Variants in DHX29 observed in about 807,000 individuals in gnomAD.
DHX29 encodes the protein ATP-dependent RNA helicase DHX29.
In DHX29, 79 loss-of-function variants were observed where a neutral mutation model predicts 167.9. The observed-to-expected ratio is 0.47, with a 90% CI of 0.39 to 0.57. The LOEUF (loss-of-function observed/expected upper bound fraction) is 0.57. DHX29 is among the 20% of genes least tolerant of loss of function. The pLI, the probability that DHX29 is intolerant of heterozygous loss-of-function variation, is 0.00. For missense variants in DHX29, 1,347 were observed against 1,593.4 expected (o/e 0.85, Z 2.63); for synonymous variants, 530 against 546.0 (o/e 0.97, Z 0.41).
At chr5:55,292,737 C>T (rs1748114478) in intron 6 of DHX29, among the ~76,000 whole-genome samples, 2 of 152,140 alleles carry the variant, frequency 1.3e-5, no homozygotes, top group African/African-American at 4.8e-5. Context: ...TACTGAAAGA[C>T]TCCTTGTACA....
intron 1 of DHX29, among the ~76,000 whole-genome samples, chr5:55,300,430 T>G (rs1319474302): frequency 1.3e-5 from 2 of 152,144 alleles, no homozygotes; most frequent in Non-Finnish European, 2.9e-5. Flanking sequence ...TCCCAGCACT[T>G]GGGACGCGGA....
At position 55,267,816 on chromosome 5, in the gene DHX29, G is replaced by C; in HGVS notation, c.3301C>G (p.Leu1101Val). The change falls in exon 22 of 27, where the codon CTA becomes GTA. Residue 1101 changes from leucine to valine, a missense_variant. By Grantham distance (32) the Leu-to-Val change is conservative. Coordinates refer to ENST00000251636, the MANE Select transcript of DHX29 (RefSeq NM_019030.4). ...GACTTCTCTGTCATAACTGCAGCTA[G>C]TGTTGCCTATCCATAAATCATAAAT... ...IFGCLDPVAT[L>V]AAVMTEKSPF... 1 of 1,593,346 alleles carries C rather than the reference G, an allele frequency of 6.3e-7. No individual in the cohort carries two copies. The highest frequency in any genetic ancestry group is 8.6e-7 in the Non-Finnish European group (1 of 1,168,964).
chr5:55,271,944 T>C (rs1383157025), intron 18 of DHX29, 143 bp downstream of exon 18: 4 of 477,456 alleles, frequency 8.4e-6, no homozygotes, highest in South Asian at 4.8e-5. Flanking sequence ...AAGTTTCCTA[T>C]AGTTTCTCTA....
At chr5:55,277,352 C>CA in intron 12 of DHX29, 70 bp from the exon 13 acceptor site, 1 of 992,818 alleles carries the variant, frequency 1.0e-6, no homozygotes, top group Non-Finnish European at 1.5e-6. Flanking sequence ...CTTGAACAAT[C>CA]AGACACCCAG....
At chr5:55,265,670 T>TAAA (rs11362570) in intron 23 of DHX29, among the ~76,000 whole-genome samples, 5 of 143,506 alleles carry the variant, frequency 3.5e-5, no homozygotes, top group African/African-American at 1.0e-4. Flanking sequence ...GAACTAGCTG[T>TAAA]AAAAAAAAAA....
rs539032528 is a variant in DHX29, at chr5:55,267,708, T to C, written c.3409A>G (p.Thr1137Ala). 3.1e-6 allele frequency: 5 copies of C among 1,600,832 alleles called. No homozygotes were observed. The highest frequency in any genetic ancestry group is 1.1e-5 in the South Asian group (1 of 89,238). Residue 1137 changes from threonine (T) to alanine (A), a missense_variant, in exon 22 of 27, where the codon ACG becomes GCG. Thr to Ala is a moderately conservative substitution (Grantham distance 58). Coordinates refer to ENST00000251636, the MANE Select transcript of DHX29 (RefSeq NM_019030.4). The stretch of plus-strand genomic sequence containing the variant: ...TACCCTAGATATGCATTGTAGATCG[T>C]CAGGTGGTCTGAATCCGCCATGGCC... ...ALAMADSDHLTIYNAYLGWKK... is the reference protein window; with the variant it reads ...ALAMADSDHLAIYNAYLGWKK...
chr5:55,286,811 G>C (rs1352579981), intron 8 of DHX29, among the ~76,000 whole-genome samples: 1 of 152,200 alleles, frequency 6.6e-6, no homozygotes, highest in Non-Finnish European at 1.5e-5. Flanking sequence ...TACAGATATA[G>C]AACATTTCCA....
Position 55,283,812 on chromosome 5 carries a change from C to A in DHX29, c.1357-1G>T, listed in dbSNP as rs1306849800. 1 of 1,569,564 alleles carries A rather than the reference C, an allele frequency of 6.4e-7. No individual in the cohort carries two copies. The highest frequency in any genetic ancestry group is 2.0e-5 in the Admixed American group (1 of 50,128). On this transcript the variant is annotated splice_acceptor_variant, in intron 10 of 26. Coordinates refer to ENST00000251636, the MANE Select transcript of DHX29 (RefSeq NM_019030.4). LOFTEE classifies it high-confidence loss of function. ...TGGGAGGAAGTAACTGATGAACTGA[C>A]TAAAGGAAAAACAGAGGTATGTTAT...
At position 55,285,779 on chromosome 5, in the gene DHX29, CAG is replaced by C; in HGVS notation, c.1147_1148del (p.Leu383AspfsTer2). 1 of 1,605,080 alleles carries C rather than the reference CAG, an allele frequency of 6.2e-7. No individual in the cohort carries two copies. Among genetic ancestry groups the C allele is most frequent in the Non-Finnish European group, 8.5e-7 (1 of 1,173,618 alleles). On this transcript the variant is annotated frameshift_variant, in exon 9 of 27. Transcript: ENST00000251636. LOFTEE classifies it high-confidence loss of function. The part of the protein sequence containing the change: ...SWTGKSPKQF[L>X]IDWVRKNLPK... ...GAAGATTCTTCCTGACCCAATCAAT[CAG>C]AAATTGTTTGGGAGATTTTCCAGTC...
intron 8 of DHX29, among the ~76,000 whole-genome samples, chr5:55,287,306 A>T (rs1161346420): frequency 6.6e-6 from 1 of 151,982 alleles, no homozygotes; most frequent in African/African-American, 2.4e-5. Flanking sequence ...CCGGGCATGC[A>T]GGCATGCACC....
chr5:55,296,709 A>T (rs568810000), intron 3 of DHX29, among the ~76,000 whole-genome samples: 18 of 152,322 alleles, frequency 1.2e-4, no homozygotes, highest in African/African-American at 4.3e-4. Context: ...ATAGTTACAT[A>T]ATATTCCACT....
chr5:55,300,430 T>C (rs1319474302), intron 1 of DHX29, among the ~76,000 whole-genome samples: 3 of 152,144 alleles, frequency 2.0e-5, no homozygotes, highest in African/African-American at 4.8e-5. Context: ...TCCCAGCACT[T>C]GGGACGCGGA....
At chr5:55,275,510 T>C (rs747451829) in intron 14 of DHX29, among the ~76,000 whole-genome samples, 2 of 152,208 alleles carry the variant, frequency 1.3e-5, no homozygotes, top group African/African-American at 2.4e-5. Context: ...ATTTTTGCTT[T>C]AAAAATTTAA....
In DHX29 at chr5:55,290,254, T is replaced by G; in HGVS notation, c.871A>C (p.Lys291Gln). Residue 291 changes from lysine to glutamine, a missense_variant, in exon 7 of 27, where the codon AAA becomes CAA. By Grantham distance (53) the Lys-to-Gln change is moderately conservative. Around this residue, in one of 3 missense-constraint regions of DHX29, gnomAD observed 405 missense variants for 416.8 expected, o/e 0.97. Coordinates refer to ENST00000251636, the MANE Select transcript of DHX29 (RefSeq NM_019030.4). ...FKLEKNKQGQ[K>Q]EAQEKIRKFQ... is the part of the protein sequence containing the mutation. ...TTCCTTATTTTTTCCTGAGCCTCTT[T>G]TTGGCCTTGCTTGTTTTTTTCTAGT... 2.5e-6 allele frequency: 4 copies of G among 1,611,574 alleles called. No homozygotes were observed. The highest frequency in any genetic ancestry group is 3.4e-6 in the Non-Finnish European group (4 of 1,179,684).
chr5:55,296,092 G>A, intron 4 of DHX29, 128 bp downstream of exon 4: 1 of 1,011,982 alleles, frequency 9.9e-7, no homozygotes, highest in South Asian at 2.4e-5. Context: ...AGAACAGAAG[G>A]TAAGAACACT....
At chr5:55,266,547 G>A (rs1343671138) in intron 23 of DHX29, among the ~76,000 whole-genome samples, 4 of 138,710 alleles carry the variant, frequency 2.9e-5, no homozygotes, top group Non-Finnish European at 6.1e-5. Context: ...AACCTCAGGT[G>A]ATTTTTTTTT....
At chr5:55,280,460 TAAG>T (rs928235758) in intron 12 of DHX29, among the ~76,000 whole-genome samples, 1 of 151,970 alleles carries the variant, frequency 6.6e-6, no homozygotes, top group African/African-American at 2.4e-5. Context: ...AGAATGGTAA[TAAG>T]AAAAAAAAAT....
intron 1 of DHX29, among the ~76,000 whole-genome samples, chr5:55,301,566 A>C (rs559216307): frequency 2.6e-5 from 4 of 151,788 alleles, no homozygotes; most frequent in African/African-American, 9.7e-5. Context: ...ATACAAAATT[A>C]GCCAGGCGTG....
At chr5:55,276,662 G>GT (rs1354091293) in intron 13 of DHX29, among the ~76,000 whole-genome samples, 1 of 152,130 alleles carries the variant, frequency 6.6e-6, no homozygotes, top group African/African-American at 2.4e-5. Flanking sequence ...AGAATAGATT[G>GT]TATCAGCTGA....
Sources: allele counts gnomAD v4.1 joint callset (sites outside exome capture counted in the v4.1 genomes callset), GRCh38; gene constraint gnomAD v4.1.1; regional missense constraint gnomAD v4.1.1; transcripts MANE v1.5; gene names NCBI Gene and HGNC (gene_info 2026-07-23, HGNC 2026-07-21).